NKAIN3: variants seen among roughly 807,000 people sequenced by gnomAD.
NKAIN3 encodes sodium/potassium-transporting ATPase subunit beta-1-interacting protein 3.
Under a neutral mutation model 30.2 loss-of-function variants are expected in NKAIN3, and 25 were observed. The observed-to-expected ratio is 0.83, with a 90% CI of 0.60 to 1.16. The LOEUF is 1.16. Ranked by LOEUF, NKAIN3 falls within the 50% of genes most tolerant of loss-of-function variation. The pLI is 0.00. For missense variants in NKAIN3, 225 were observed against 254.1 expected, an observed-to-expected ratio of 0.89 and a Z score of 0.78; for synonymous variants, 91 against 89.6, an observed-to-expected ratio of 1.02 and a Z score of -0.09.
intron 1 of NKAIN3, among the ~76,000 whole-genome samples, chr8:62,259,605 G>C (rs989003617): frequency 6.6e-6 from 1 of 152,144 alleles, no homozygotes; most frequent in Admixed American, 6.6e-5. Context: ...AATGTGATAT[G>C]TTTTGCAAAG....
chr8:62,423,862 A>C (rs1255562051), intron 1 of NKAIN3, among the ~76,000 whole-genome samples: 2 of 152,026 alleles, frequency 1.3e-5, no homozygotes, highest in South Asian at 4.1e-4. Flanking sequence ...AATGAATGCC[A>C]ACATTTTATC....
intron 1 of NKAIN3, among the ~76,000 whole-genome samples, chr8:62,507,217 T>G (rs968227092): frequency 1.3e-5 from 2 of 152,178 alleles, no homozygotes; most frequent in African/African-American, 4.8e-5. Flanking sequence ...AAGTTATGAG[T>G]ACAACCAGAT....
chr8:62,803,661 A>G (rs1431421323), intron 4 of NKAIN3, among the ~76,000 whole-genome samples: 2 of 152,222 alleles, frequency 1.3e-5, no homozygotes, highest in Admixed American at 6.5e-5. Flanking sequence ...AAGAGAAAGC[A>G]GGAAAGATCC....
At chr8:62,819,150 TAC>T (rs200376278) in intron 4 of NKAIN3, among the ~76,000 whole-genome samples, 1,860 of 101,980 alleles carry the variant, frequency 0.018, 43 homozygotes, top group African/African-American at 0.058. Context: ...TATATATATA[TAC>T]ATATATATAT....
At chr8:62,811,772 C>T (rs6996591) in intron 4 of NKAIN3, among the ~76,000 whole-genome samples, 3 of 151,832 alleles carry the variant, frequency 2.0e-5, no homozygotes, top group Non-Finnish European at 4.4e-5. Flanking sequence ...TTTCTAGATA[C>T]AACTTATTTG....
intron 1 of NKAIN3, among the ~76,000 whole-genome samples, chr8:62,572,747 C>A (rs1809985650): frequency 6.6e-6 from 1 of 152,038 alleles, no homozygotes; most frequent in Non-Finnish European, 1.5e-5. Context: ...TCTCATGAGA[C>A]TTATTCACTA....
chr8:62,310,960 A>C (rs1263714713), intron 1 of NKAIN3, among the ~76,000 whole-genome samples: 1 of 150,442 alleles, frequency 6.6e-6, no homozygotes, highest in Non-Finnish European at 1.5e-5. Context: ...GCCACCTGAC[A>C]AGCCGACTGA....
intron 1 of NKAIN3, among the ~76,000 whole-genome samples, chr8:62,476,657 A>G (rs1184375652): frequency 3.3e-5 from 5 of 151,880 alleles, no homozygotes; most frequent in African/African-American, 1.2e-4. Context: ...GGGTTTCACC[A>G]TGTTGGCCAG....
chr8:62,519,444 A>T (rs892588543), intron 1 of NKAIN3, among the ~76,000 whole-genome samples: 1 of 152,198 alleles, frequency 6.6e-6, no homozygotes, highest in Non-Finnish European at 1.5e-5. Flanking sequence ...TTAGAAGCTC[A>T]GAATCTATGA....
At chr8:62,392,366 G>A (rs528533852) in intron 1 of NKAIN3, among the ~76,000 whole-genome samples, 4 of 152,100 alleles carry the variant, frequency 2.6e-5, no homozygotes, top group African/African-American at 9.6e-5. Flanking sequence ...GACTTTTGTA[G>A]TGGAGTGAAG....
At chr8:62,646,210 A>G (rs924303210) in intron 3 of NKAIN3, among the ~76,000 whole-genome samples, 10 of 152,032 alleles carry the variant, frequency 6.6e-5, no homozygotes, top group African/African-American at 2.2e-4. Flanking sequence ...TTTCCATGAA[A>G]CAGTTTTATC....
At chr8:62,793,162 T>C (rs1817753558) in intron 4 of NKAIN3, among the ~76,000 whole-genome samples, 5 of 151,564 alleles carry the variant, frequency 3.3e-5, no homozygotes, top group Admixed American at 3.3e-4. Flanking sequence ...AGAAGCCCAG[T>C]CAACGTTTTT....
At chr8:62,292,249 T>C (rs1585642986) in intron 1 of NKAIN3, among the ~76,000 whole-genome samples, 1 of 152,194 alleles carries the variant, frequency 6.6e-6, no homozygotes, top group Admixed American at 6.5e-5. Context: ...AAGTTTAATA[T>C]TGTTATGTGT....
chr8:62,522,693 A>T (rs2129792865), intron 1 of NKAIN3, among the ~76,000 whole-genome samples: 1 of 152,092 alleles, frequency 6.6e-6, no homozygotes, highest in African/African-American at 2.4e-5. Flanking sequence ...AAAAAAGTTT[A>T]AAAAGTTAAA....
At chr8:62,562,744 G>A (rs1809627968) in intron 1 of NKAIN3, among the ~76,000 whole-genome samples, 1 of 152,040 alleles carries the variant, frequency 6.6e-6, no homozygotes, top group African/African-American at 2.4e-5. Flanking sequence ...CACGTACAAG[G>A]GGTTTTTTTC....
chr8:62,755,886 A>C (rs1816435922), intron 4 of NKAIN3, among the ~76,000 whole-genome samples: 1 of 152,152 alleles, frequency 6.6e-6, no homozygotes, highest in African/African-American at 2.4e-5. Flanking sequence ...TTGTGGGAGA[A>C]TTTCCATGCC....
rs182946307 is a variant in NKAIN3, at chr8:62,791,725, C to G, written c.471+44596C>G. On this transcript the variant is annotated intron_variant, in intron 4 of 6. Transcript: ENST00000623646. ...TTATTTTAAGGTGTTTTGACTTTCA[C>G]TTATATAATGATTGAAAACTTCCCT... is the stretch of plus-strand genomic sequence containing the variant. 6.5e-3 allele frequency among the ~76,000 whole-genome samples: 982 copies of G among 152,210 alleles called. 10 individuals are homozygous for G. Among genetic ancestry groups the G allele is most frequent in the African/African-American group, 0.022 (922 of 41,558 alleles).
intron 1 of NKAIN3, among the ~76,000 whole-genome samples, chr8:62,574,807 C>T (rs1029304444): frequency 7.2e-5 from 11 of 151,936 alleles, no homozygotes; most frequent in Admixed American, 2.0e-4. Flanking sequence ...GTAATGTTGA[C>T]CACCTTTTTA....
intron 1 of NKAIN3, among the ~76,000 whole-genome samples, chr8:62,431,864 G>A (rs868226223): frequency 6.1e-4 from 81 of 133,436 alleles, no homozygotes; most frequent in South Asian, 7.2e-4. Context: ...TTATAAAAAG[G>A]AAAAAAAAAA....
Sources: gnomAD v4.1 joint callset for allele counts (sites outside exome capture counted in the v4.1 genomes callset) on GRCh38, gnomAD v4.1.1 for gene constraint, MANE v1.5 for transcripts, NCBI Gene and HGNC (gene_info 2026-07-23, HGNC 2026-07-21) for gene names.